Variants in METTL8 observed in about 807,000 individuals in gnomAD.
METTL8 encodes methyltransferase 8, tRNA N3-cytidine, also known as tRNA N(3)-cytidine methyltransferase METTL8, mitochondrial.
Under a neutral mutation model 48.7 loss-of-function variants are expected in METTL8, and 32 were observed. The ratio of observed to expected loss-of-function variants is 0.66; its 90% CI spans 0.50 to 0.88. The LOEUF (loss-of-function observed/expected upper bound fraction) is 0.88. Among genes scored for constraint, METTL8 ranks in the 40% least tolerant of loss-of-function variants. METTL8 has a pLI of 0.00. For synonymous variants in METTL8, 136 were observed against 157.1 expected, an observed-to-expected ratio of 0.87 and a Z score of 1.01; for missense variants, 464 against 474.4, an observed-to-expected ratio of 0.98 and a Z score of 0.20.
chr2:171,420,108 T>A (rs1171191054), intron 1 of METTL8, among the ~76,000 whole-genome samples: 1 of 152,086 alleles, frequency 6.6e-6, no homozygotes, highest in Non-Finnish European at 1.5e-5. Flanking sequence ...CCCAGCACTT[T>A]GGGAGGCCAA....
intron 7 of METTL8, chr2:171,326,366 G>T: frequency 2.1e-6 from 1 of 477,112 alleles, no homozygotes; most frequent in Non-Finnish European, 3.7e-6. Flanking sequence ...AGAGTATCAA[G>T]AAATCACCCA....
chr2:171,399,685 A>G (rs1368244819), intron 1 of METTL8, among the ~76,000 whole-genome samples: 3 of 152,220 alleles, frequency 2.0e-5, no homozygotes, highest in African/African-American at 7.2e-5. Flanking sequence ...AACATATGCT[A>G]CAGGAATAGG....
Position 171,324,216 on chromosome 2 carries a change from G to T in METTL8, c.1180C>A (p.Gln394Lys), listed in dbSNP as rs1313681479. 6.5e-7 allele frequency: 1 copy of T among 1,550,348 alleles called. No homozygotes were observed. The highest frequency in any genetic ancestry group is 1.2e-5 in the South Asian group (1 of 83,968). The change falls in exon 10 of 10, where the codon CAG becomes AAG. Residue 394 changes from glutamine to lysine, a missense_variant. Coordinates refer to ENST00000375258, the MANE Select transcript of METTL8 (RefSeq NM_001321154.2). Reference protein sequence around the residue: ...GKFQKPLHQTQNSSNMVSTLL... With the variant: ...GKFQKPLHQTKNSSNMVSTLL... ...GTAGATACCATATTGGAGCTATTCT[G>T]AGTCTGGTGCAATGGTTTCTGGAAT...
At chr2:171,367,577 C>T (rs1402326313) in intron 2 of METTL8, among the ~76,000 whole-genome samples, 1 of 151,840 alleles carries the variant, frequency 6.6e-6, no homozygotes, top group Non-Finnish European at 1.5e-5. Context: ...CTCAGATCTA[C>T]AGGGTGAAAA....
Position 171,330,712 on chromosome 2 carries a change from G to A in METTL8, c.721-14C>T. On this transcript the variant is annotated splice_polypyrimidine_tract_variant and intron_variant, in intron 6 of 9. Transcript: ENST00000375258. ...GGACGAGTGTGACTGTCATGATAAAGGAACAGAAAGCAAAAAGAGGACTTA... is the reference window on the plus strand; with the variant it reads ...GGACGAGTGTGACTGTCATGATAAAAGAACAGAAAGCAAAAAGAGGACTTA... 6.3e-7 allele frequency: 1 copy of A among 1,588,910 alleles called. No individual in the cohort carries two copies. The highest frequency in any genetic ancestry group is 8.5e-7 in the Non-Finnish European group (1 of 1,171,518).
intron 1 of METTL8, among the ~76,000 whole-genome samples, chr2:171,396,773 G>A (rs565917641): frequency 1.3e-5 from 2 of 151,890 alleles, no homozygotes; most frequent in African/African-American, 2.4e-5. Flanking sequence ...CTAAAGCAGT[G>A]TATAGAGAGA....
At chr2:171,383,622 G>T (rs1687773984) in intron 2 of METTL8, among the ~76,000 whole-genome samples, 1 of 152,160 alleles carries the variant, frequency 6.6e-6, no homozygotes, top group Non-Finnish European at 1.5e-5. Context: ...CAAGTGCTTA[G>T]TGCTTACTTA....
upstream of METTL8, chr2:171,434,742 G>A (rs1255022860): frequency 1.4e-6 from 2 of 1,393,236 alleles, no homozygotes; most frequent in Non-Finnish European, 9.2e-7. Context: ...GAGGGCCGCG[G>A]GCGCGCGGCG....
intron 3 of METTL8, among the ~76,000 whole-genome samples, chr2:171,343,830 C>T (rs1687015020): frequency 6.6e-6 from 1 of 152,200 alleles, no homozygotes; most frequent in South Asian, 2.1e-4. Context: ...ATCAGTTCTA[C>T]AGACTACAAA....
intron 2 of METTL8, among the ~76,000 whole-genome samples, chr2:171,373,402 T>G (rs1281520031): frequency 2.0e-5 from 3 of 152,210 alleles, no homozygotes; most frequent in African/African-American, 7.2e-5. Flanking sequence ...ATGGGTAGAT[T>G]GTAAAAATTT....
chr2:171,406,376 C>T (rs1264412269), intron 1 of METTL8, among the ~76,000 whole-genome samples: 1 of 152,206 alleles, frequency 6.6e-6, no homozygotes, highest in Non-Finnish European at 1.5e-5. Flanking sequence ...TCAGCTTGGG[C>T]TGCCACAACA....
chr2:171,360,895 C>T (rs1685094599), intron 2 of METTL8, among the ~76,000 whole-genome samples: 1 of 152,216 alleles, frequency 6.6e-6, no homozygotes, highest in Non-Finnish European at 1.5e-5. Context: ...TTTTTAAATG[C>T]TCCTCTTACA....
At chr2:171,422,051 T>C (rs1691928041) in intron 1 of METTL8, among the ~76,000 whole-genome samples, 1 of 151,912 alleles carries the variant, frequency 6.6e-6, no homozygotes, top group Admixed American at 6.6e-5. Flanking sequence ...AGAAGAGGAG[T>C]AAGATGGAAC....
intron 7 of METTL8, among the ~76,000 whole-genome samples, chr2:171,326,574 C>T (rs1045756219): frequency 6.6e-6 from 1 of 152,240 alleles, no homozygotes; most frequent in Non-Finnish European, 1.5e-5. Context: ...GAGGGAATAT[C>T]TTTCCTCCAA....
At chr2:171,348,312 G>A (rs1251346172) in intron 3 of METTL8, among the ~76,000 whole-genome samples, 1 of 152,130 alleles carries the variant, frequency 6.6e-6, no homozygotes, top group Non-Finnish European at 1.5e-5. Flanking sequence ...TAGTCTCTGT[G>A]GGCCAGCTGC....
At chr2:171,375,621 G>A (rs1686884750) in intron 2 of METTL8, among the ~76,000 whole-genome samples, 1 of 152,106 alleles carries the variant, frequency 6.6e-6, no homozygotes, top group African/African-American at 2.4e-5. Context: ...CTTTGGTGAA[G>A]TATCTTAAAA....
In METTL8 at chr2:171,352,121, G is replaced by T. The variant is rs563237159; in HGVS notation, c.235+8301C>A. Among the ~76,000 whole-genome samples the T allele has an allele frequency of 2.0e-5, 3 of 152,254 alleles. No individual in the cohort carries two copies. The East Asian group carries it at 5.8e-4, about 29-fold the overall frequency. On this transcript the variant is annotated intron_variant, in intron 3 of 9. Transcript: ENST00000375258. ...TGTCATAAATAGCTCTTATTATTTT[G>T]AGATATGTCCCATCAATACCTAATT...
chr2:171,425,838 CT>C, intron 1 of METTL8, among the ~76,000 whole-genome samples: 1 of 152,170 alleles, frequency 6.6e-6, no homozygotes, highest in African/African-American at 2.4e-5. Context: ...ATAAGAATGT[CT>C]ATAACAGCAC....
chr2:171,356,952 A>ATGTTTTTTTTTTGTTTTTTTTTTTT, intron 3 of METTL8, among the ~76,000 whole-genome samples: 3 of 78,468 alleles, frequency 3.8e-5, no homozygotes, highest in Non-Finnish European at 7.2e-5. Flanking sequence ...CAAAGACAAT[A>ATGTTTTTTTTTTGTTTTTTTTTTTT]TTTTTTTTTT....
Sources: gnomAD v4.1 joint callset for allele counts (sites outside exome capture counted in the v4.1 genomes callset) on GRCh38, gnomAD v4.1.1 for gene constraint, MANE v1.5 for transcripts, NCBI Gene and HGNC (gene_info 2026-07-23, HGNC 2026-07-21) for gene names.